PLCH1: variants seen among roughly 807,000 people sequenced by gnomAD.
The protein encoded by PLCH1 is phospholipase C eta 1, also known as 1-phosphatidylinositol 4,5-bisphosphate phosphodiesterase eta-1.
Under a neutral mutation model 126.7 loss-of-function variants are expected in PLCH1, and 60 were observed. The observed-to-expected ratio is 0.47, with a 90% CI of 0.38 to 0.59. The LOEUF (loss-of-function observed/expected upper bound fraction) is 0.59, where lower values mean the gene tolerates loss of function less well. Ranked by LOEUF, PLCH1 falls within the 20% of genes least tolerant of loss-of-function variation. PLCH1 has a pLI of 0.00. For synonymous variants in PLCH1, 719 were observed against 734.9 expected (o/e 0.98, Z 0.35); for missense variants, 1,723 against 2,040.0 (o/e 0.84, Z 2.99).
chr3:155,653,403 T>A (rs1241623574), intron 2 of PLCH1, among the ~76,000 whole-genome samples: 1 of 152,202 alleles, frequency 6.6e-6, no homozygotes, highest in East Asian at 1.9e-4. Flanking sequence ...TCCAAATCAT[T>A]GGCTTTATTT....
chr3:155,580,422 T>C (rs484663), intron 6 of PLCH1, among the ~76,000 whole-genome samples: 74,900 of 151,954 alleles, frequency 0.49, 21,513 homozygotes, highest in Non-Finnish European at 0.65. Context: ...AATGTTAATA[T>C]AAATAAGGGT....
chr3:155,516,370 C>A (rs1287951824), intron 11 of PLCH1, among the ~76,000 whole-genome samples: 1 of 152,200 alleles, frequency 6.6e-6, no homozygotes, highest in Non-Finnish European at 1.5e-5. Flanking sequence ...GAGATTTCAA[C>A]AGTGATGGAA....
At chr3:155,625,848 A>G (rs1225277586) in intron 2 of PLCH1, among the ~76,000 whole-genome samples, 1 of 152,226 alleles carries the variant, frequency 6.6e-6, no homozygotes, top group Non-Finnish European at 1.5e-5. Context: ...AGAACTAGAA[A>G]TACCATTTGA....
At chr3:155,741,274 G>A (rs1325644888) in intron 1 of PLCH1, among the ~76,000 whole-genome samples, 1 of 152,162 alleles carries the variant, frequency 6.6e-6, no homozygotes, top group Non-Finnish European at 1.5e-5. Context: ...ATAAGCCCCT[G>A]CTAGTGAGAA....
At chr3:155,652,368 C>T (rs1740807994) in intron 2 of PLCH1, among the ~76,000 whole-genome samples, 1 of 152,166 alleles carries the variant, frequency 6.6e-6, no homozygotes, top group African/African-American at 2.4e-5. Context: ...AGATTATTAT[C>T]CACCAGAGTT....
rs774411671 is a variant in PLCH1 at position 155,485,450 on chromosome 3, A to T, written c.2880T>A (p.Pro960=). 6.2e-7 allele frequency: 1 copy of T among 1,614,108 alleles called. No individual in the cohort carries two copies. Among genetic ancestry groups the T allele is most frequent in the Non-Finnish European group, 8.5e-7 (1 of 1,179,932 alleles). The change falls in exon 22 of 23, where the codon CCT becomes CCA. Residue 960 remains proline (P), a synonymous_variant. Transcript: ENST00000460012. ...RRTTRSLQAR[P]VSMPVDRNLL... ...GGTTTCTGTCAACAGGCATAGAGAC[A>T]GGGCGTGCTTGCAAACTGCGTGTGG...
At chr3:155,564,834 C>T (rs564040932) in intron 8 of PLCH1, 81 bp downstream of exon 8, 2 of 848,320 alleles carry the variant, frequency 2.4e-6, no homozygotes, top group South Asian at 1.5e-5. Context: ...TTTAGGTCTC[C>T]ATTCTTTATA....
intron 21 of PLCH1, among the ~76,000 whole-genome samples, chr3:155,463,870 G>T (rs1244031884): frequency 6.6e-6 from 1 of 152,086 alleles, no homozygotes; most frequent in Non-Finnish European, 1.5e-5. Context: ...CTCCTTCTAG[G>T]CATACAGCAA....
At chr3:155,563,044 G>T (rs1438924268) in intron 8 of PLCH1, among the ~76,000 whole-genome samples, 3 of 152,118 alleles carry the variant, frequency 2.0e-5, no homozygotes, top group Non-Finnish European at 2.9e-5. Context: ...GTTCCCTGTG[G>T]CATTTCTGGC....
chr3:155,499,282 G>A (rs577268283), intron 14 of PLCH1, among the ~76,000 whole-genome samples: 1 of 152,288 alleles, frequency 6.6e-6, no homozygotes, highest in South Asian at 2.1e-4. Context: ...TGAGGGGAAT[G>A]TGATGGTCTG....
intron 7 of PLCH1, among the ~76,000 whole-genome samples, chr3:155,565,945 G>C (rs1360189838): frequency 2.7e-5 from 4 of 150,920 alleles, no homozygotes; most frequent in Non-Finnish European, 5.9e-5. Flanking sequence ...TGATCTGCCC[G>C]CCTCGGCTTC....
intron 1 of PLCH1, among the ~76,000 whole-genome samples, chr3:155,744,512 G>A (rs1049090488): frequency 2.6e-5 from 4 of 152,174 alleles, no homozygotes; most frequent in Non-Finnish European, 1.5e-5. Flanking sequence ...GCATCCTGCA[G>A]CGAGGCTGGA....
chr3:155,731,178 C>G (rs1748745179), intron 1 of PLCH1, among the ~76,000 whole-genome samples: 3 of 152,222 alleles, frequency 2.0e-5, no homozygotes, highest in Admixed American at 2.0e-4. Flanking sequence ...GACTTAGGCT[C>G]TAGGCCAACC....
chr3:155,599,021 C>G (rs955204507), intron 2 of PLCH1, among the ~76,000 whole-genome samples: 3 of 118,042 alleles, frequency 2.5e-5, no homozygotes, highest in Non-Finnish European at 1.7e-5. Flanking sequence ...ACCCGCCCCC[C>G]TCCCCATATG....
intron 2 of PLCH1, among the ~76,000 whole-genome samples, chr3:155,596,973 T>C (rs1733061816): frequency 6.6e-6 from 1 of 152,252 alleles, no homozygotes; most frequent in South Asian, 2.1e-4. Context: ...AAGATAACCC[T>C]TCTAGAAGAA....
intron 10 of PLCH1, among the ~76,000 whole-genome samples, chr3:155,543,318 C>A (rs999257638): frequency 6.6e-6 from 1 of 151,958 alleles, no homozygotes; most frequent in African/African-American, 2.4e-5. Context: ...TGAAATGAAG[C>A]GAGAAGGGAA....
intron 1 of PLCH1, among the ~76,000 whole-genome samples, chr3:155,733,503 A>G (rs1748927457): frequency 6.6e-6 from 1 of 152,212 alleles, no homozygotes; most frequent in Non-Finnish European, 1.5e-5. Flanking sequence ...GGTTGAGGAA[A>G]ACTGGATATC....
At chr3:155,578,032 T>C (rs73154268) in intron 6 of PLCH1, among the ~76,000 whole-genome samples, 7,716 of 152,266 alleles carry the variant, frequency 0.051, 242 homozygotes, top group Middle Eastern at 0.1. Context: ...TGATTGATTC[T>C]CCAACCACTA....
At chr3:155,667,194 C>A (rs139202796) in intron 2 of PLCH1, among the ~76,000 whole-genome samples, 2 of 152,244 alleles carry the variant, frequency 1.3e-5, no homozygotes, top group African/African-American at 4.8e-5. Flanking sequence ...TTAGAACTTT[C>A]GCTTGTCTTT....
Sources: allele counts gnomAD v4.1 joint callset (sites outside exome capture counted in the v4.1 genomes callset), GRCh38; gene constraint gnomAD v4.1.1; transcripts MANE v1.5; gene names NCBI Gene and HGNC (gene_info 2026-07-23, HGNC 2026-07-21).